Variants in CSMD2 observed in about 807,000 individuals in gnomAD.
CSMD2 encodes CUB and Sushi multiple domains 2, also known as CUB and sushi domain-containing protein 2.
CSMD2 carries 130 observed loss-of-function variants against 398.5 expected under a neutral mutation model. The observed-to-expected ratio is 0.33, with a 90% CI of 0.28 to 0.38. The LOEUF (loss-of-function observed/expected upper bound fraction) is 0.38, where lower values mean the gene tolerates loss of function less well. Ranked by LOEUF, CSMD2 falls within the 10% of genes least tolerant of loss-of-function variation. The pLI is 1.00. For synonymous variants in CSMD2, 1,828 were observed against 1,908.5 expected, an observed-to-expected ratio of 0.96 and a Z score of 1.10; for missense variants, 3,829 against 4,764.9, an observed-to-expected ratio of 0.80 and a Z score of 5.78.
chr1:33,763,766 G>C (rs1485119270), intron 13 of CSMD2, among the ~76,000 whole-genome samples: 1 of 152,176 alleles, frequency 6.6e-6, no homozygotes, highest in East Asian at 1.9e-4. Context: ...TGGTACTTTG[G>C]GAAGTTCTAG....
chr1:34,019,616 T>C (rs1459768209), intron 3 of CSMD2, among the ~76,000 whole-genome samples: 4 of 152,218 alleles, frequency 2.6e-5, no homozygotes, highest in Non-Finnish European at 4.4e-5. Flanking sequence ...CAGTGGTCCC[T>C]GCTTTGCCTC....
intron 2 of CSMD2, among the ~76,000 whole-genome samples, chr1:34,038,257 G>C (rs545009233): frequency 6.6e-6 from 1 of 152,280 alleles, no homozygotes; most frequent in East Asian, 1.9e-4. Flanking sequence ...ATATTGAAAG[G>C]AGTGAGGTAT....
intron 3 of CSMD2, among the ~76,000 whole-genome samples, chr1:33,960,709 A>C (rs1645328496): frequency 6.6e-6 from 1 of 152,216 alleles, no homozygotes; most frequent in South Asian, 2.1e-4. Flanking sequence ...TGAGCTCAGG[A>C]ATCAGACGCC....
At chr1:33,746,514 T>C (rs906825234) in intron 13 of CSMD2, among the ~76,000 whole-genome samples, 1 of 152,166 alleles carries the variant, frequency 6.6e-6, no homozygotes, top group African/African-American at 2.4e-5. Context: ...TCTAGAACCT[T>C]TAACCAGGAT....
intron 1 of CSMD2, among the ~76,000 whole-genome samples, chr1:34,122,381 C>T (rs1309269910): frequency 6.6e-6 from 1 of 152,108 alleles, no homozygotes; most frequent in Non-Finnish European, 1.5e-5. Flanking sequence ...CCGGGATCTG[C>T]AGGGGACAAA....
intron 20 of CSMD2, 32 bp downstream of exon 20, chr1:33,716,254 C>T (rs201515906): frequency 6.4e-7 from 1 of 1,561,300 alleles, no homozygotes; most frequent in African/African-American, 1.4e-5. Context: ...GCACCATGGT[C>T]TCTTCCCCTC....
At chr1:33,712,689 G>C (rs866441790) in intron 21 of CSMD2, among the ~76,000 whole-genome samples, 4 of 152,230 alleles carry the variant, frequency 2.6e-5, no homozygotes, top group Admixed American at 6.5e-5. Flanking sequence ...CTGTGGTCCT[G>C]GTTAATTCCA....
rs1653969139 is a variant in CSMD2, at chr1:33,518,535, G to A, written c.*53+930C>T. ...CCTAGGCTATGGTGCTCAGTTGATG[G>A]GTCAAACACCAATCTGGATATTGCT... On this transcript the variant is annotated intron_variant, in intron 70 of 70. Transcript: ENST00000373381. The surrounding 1 kb of genome is among the most constrained non-coding windows in gnomAD (Gnocchi z 4.3). Among the ~76,000 whole-genome samples, 1 of 152,056 alleles carries A rather than the reference G, an allele frequency of 6.6e-6. No individual in the cohort carries two copies. The highest frequency in any genetic ancestry group is 1.5e-5 in the Non-Finnish European group (1 of 68,028).
intron 5 of CSMD2, among the ~76,000 whole-genome samples, chr1:33,873,307 A>AATCATTG (rs1640606589): frequency 6.6e-6 from 1 of 152,196 alleles, no homozygotes; most frequent in African/African-American, 2.4e-5. Context: ...TTGGAGAGCC[A>AATCATTG]GAGGGTAGAT....
chr1:34,049,236 AG>A (rs1258299935), intron 2 of CSMD2, among the ~76,000 whole-genome samples: 3 of 152,196 alleles, frequency 2.0e-5, no homozygotes, highest in African/African-American at 2.4e-5. Context: ...TCTGTAGACA[AG>A]AGAGGGAGGA....
At position 34,089,326 on chromosome 1, in the gene CSMD2, G is replaced by C; in HGVS notation, c.188-133C>G. The stretch of plus-strand genomic sequence containing the variant: ...CTTCCCATGAGCCAGCCCTGTACTT[G>C]GCACCGAGGGAGGTACAAAGGGTGA... On this transcript the variant is annotated intron_variant, in intron 1 of 70. Transcript: ENST00000373381. 1.5e-5 allele frequency: 12 copies of C among 803,492 alleles called. No individual in the cohort carries two copies. In the South Asian group the frequency reaches 1.9e-4, roughly 13 times the overall value. 49.8% of individuals were successfully genotyped at this position (803,492 alleles called of 1,614,324 possible).
intron 12 of CSMD2, among the ~76,000 whole-genome samples, chr1:33,773,920 T>C (rs1240796133): frequency 6.6e-6 from 1 of 152,064 alleles, no homozygotes; most frequent in African/African-American, 2.4e-5. Context: ...GAAGTTGGTG[T>C]GTGTGATCCT....
intron 5 of CSMD2, 53 bp from the exon 6 acceptor site, chr1:33,847,049 T>C (rs1638306269): frequency 8.2e-7 from 1 of 1,214,556 alleles, no homozygotes; most frequent in Non-Finnish European, 1.2e-6. Flanking sequence ...GTGGTATAGG[T>C]GTATGAGCAT....
intron 28 of CSMD2, among the ~76,000 whole-genome samples, chr1:33,649,195 G>A (rs1011948297): frequency 1.3e-5 from 2 of 152,142 alleles, no homozygotes; most frequent in African/African-American, 2.4e-5. Flanking sequence ...AAAAGTAAAT[G>A]AGCTTGCAGA....
intron 1 of CSMD2, among the ~76,000 whole-genome samples, chr1:34,152,230 C>A (rs1640392901): frequency 6.6e-6 from 1 of 152,120 alleles, no homozygotes; most frequent in South Asian, 2.1e-4. Flanking sequence ...ATCCATGATT[C>A]ATGGAATGGG....
At chr1:33,668,997 C>T (rs10914759) in intron 25 of CSMD2, among the ~76,000 whole-genome samples, 84,418 of 152,018 alleles carry the variant, frequency 0.56, 23,826 homozygotes, top group East Asian at 0.73. Context: ...AAGAGCTAAA[C>T]GTTTGTAGAA....
chr1:33,929,571 G>A (rs560306587), intron 4 of CSMD2, among the ~76,000 whole-genome samples: 2 of 151,536 alleles, frequency 1.3e-5, no homozygotes, highest in East Asian at 2.0e-4. Context: ...CTGAGTAGCT[G>A]GGATTACAGG....
intron 5 of CSMD2, among the ~76,000 whole-genome samples, chr1:33,856,984 C>T (rs528544917): frequency 2.6e-5 from 4 of 152,122 alleles, no homozygotes; most frequent in South Asian, 4.2e-4. Flanking sequence ...TATCTCTGTA[C>T]AGCAAGGTAG....
At chr1:33,844,811 A>C (rs1378070597) in intron 6 of CSMD2, among the ~76,000 whole-genome samples, 1 of 152,206 alleles carries the variant, frequency 6.6e-6, no homozygotes, top group Non-Finnish European at 1.5e-5. Context: ...CTCTTTATAC[A>C]CTGGCGCACA....
Sources: gnomAD v4.1 joint callset for allele counts (sites outside exome capture counted in the v4.1 genomes callset) on GRCh38, gnomAD v4.1.1 for gene constraint, Gnocchi (gnomAD v3.1) non-coding constraint, MANE v1.5 for transcripts, NCBI Gene and HGNC (gene_info 2026-07-23, HGNC 2026-07-21) for gene names.